The following RHOJ variants were observed in gnomAD, a reference collection of about 807,000 sequenced individuals.
RHOJ encodes rho-related GTP-binding protein RhoJ.
In RHOJ, 11 loss-of-function variants were observed where a neutral mutation model predicts 23.4. That is an observed-to-expected ratio of 0.47 (90% CI 0.30 to 0.78). The LOEUF is 0.78. RHOJ is among the 30% of genes least tolerant of loss of function. RHOJ has a pLI of 0.08. For synonymous variants in RHOJ, 102 were observed against 102.7 expected (o/e 0.99, Z 0.04); for missense variants, 254 against 273.4 (o/e 0.93, Z 0.50).
chr14:63,266,760 T>C (rs1301119242), intron 1 of RHOJ, among the ~76,000 whole-genome samples: 1 of 152,254 alleles, frequency 6.6e-6, no homozygotes, highest in Non-Finnish European at 1.5e-5. Flanking sequence ...TTTTATATCC[T>C]GAACCTTTAC....
chr14:63,286,853 G>A (rs983617921), intron 4 of RHOJ, among the ~76,000 whole-genome samples: 1 of 152,194 alleles, frequency 6.6e-6, no homozygotes. Context: ...AATCTGTCTG[G>A]CCTAGAAATG....
chr14:63,210,648 T>C (rs2139727251), intron 1 of RHOJ, among the ~76,000 whole-genome samples: 1 of 152,306 alleles, frequency 6.6e-6, no homozygotes, highest in Admixed American at 6.5e-5. Flanking sequence ...CCATCCTATC[T>C]TTAGTTTTGA....
intron 2 of RHOJ, among the ~76,000 whole-genome samples, chr14:63,277,218 T>C (rs1019884510): frequency 1.3e-5 from 2 of 152,220 alleles, no homozygotes; most frequent in African/African-American, 4.8e-5. Flanking sequence ...TAACTTCCTC[T>C]TCTATGAAAT....
chr14:63,221,707 T>C (rs1244516656), intron 1 of RHOJ, among the ~76,000 whole-genome samples: 1 of 152,196 alleles, frequency 6.6e-6, no homozygotes, highest in Non-Finnish European at 1.5e-5. Context: ...AAAGTAGTCA[T>C]GGCATCCCCC....
chr14:63,243,596 TC>T lies in RHOJ; in HGVS notation c.179-25511del, dbSNP rs974231130. Among the ~76,000 whole-genome samples, 35 of 152,142 alleles carry T rather than the reference TC, an allele frequency of 2.3e-4. 2 individuals are homozygous for T. The highest frequency in any genetic ancestry group is 1.2e-4 in the Non-Finnish European group (8 of 68,024). On this transcript the variant is annotated intron_variant, in intron 1 of 4. Coordinates refer to ENST00000316754, the MANE Select transcript of RHOJ (RefSeq NM_020663.5). ...CTCAGGTGATCCACCCACCTTGGCT[TC>T]CCGAAGTGCCAGGATTACAGGCATA...
intron 1 of RHOJ, among the ~76,000 whole-genome samples, chr14:63,219,550 G>A (rs1178029701): frequency 1.3e-5 from 2 of 152,128 alleles, no homozygotes; most frequent in Non-Finnish European, 2.9e-5. Context: ...GGGCGTGGTG[G>A]CTCACACCTA....
At chr14:63,250,958 C>T (rs992214303) in intron 1 of RHOJ, among the ~76,000 whole-genome samples, 1 of 152,152 alleles carries the variant, frequency 6.6e-6, no homozygotes, top group Non-Finnish European at 1.5e-5. Context: ...TCGCTTGAAC[C>T]TGAGAGGGAG....
chr14:63,239,714 G>A (rs1311244793), intron 1 of RHOJ, among the ~76,000 whole-genome samples: 1 of 152,254 alleles, frequency 6.6e-6, no homozygotes, highest in Non-Finnish European at 1.5e-5. Context: ...AATCATGTCA[G>A]TGTGCCTTGG....
intron 1 of RHOJ, among the ~76,000 whole-genome samples, chr14:63,221,386 C>T (rs1352914103): frequency 2.0e-5 from 3 of 152,174 alleles, no homozygotes; most frequent in Non-Finnish European, 4.4e-5. Flanking sequence ...TTCCTTCTAA[C>T]AAGGCAAGCC....
chr14:63,257,142 G>A (rs543090639), intron 1 of RHOJ, among the ~76,000 whole-genome samples: 3 of 147,774 alleles, frequency 2.0e-5, no homozygotes, highest in East Asian at 2.2e-4. Flanking sequence ...GGGGGCTGAG[G>A]CAGGAGAATT....
At chr14:63,228,339 T>A (rs1211449527) in intron 1 of RHOJ, among the ~76,000 whole-genome samples, 1 of 152,226 alleles carries the variant, frequency 6.6e-6, no homozygotes, top group Non-Finnish European at 1.5e-5. Flanking sequence ...CAATCCTTCC[T>A]TCTGAAATTT....
At chr14:63,259,027 C>T (rs151318174) in intron 1 of RHOJ, among the ~76,000 whole-genome samples, 199 of 152,254 alleles carry the variant, frequency 1.3e-3, no homozygotes, top group African/African-American at 4.7e-3. Flanking sequence ...GCAACCTCCG[C>T]CTCCCAGGTT....
Position 63,205,045 on chromosome 14 carries a change from C to A in RHOJ, c.176C>A (p.Ala59Glu), listed in dbSNP as rs769884813. 5.0e-6 allele frequency: 8 copies of A among 1,611,668 alleles called. No individual in the cohort carries two copies. Among genetic ancestry groups the A allele is most frequent in the Non-Finnish European group, 6.8e-6 (8 of 1,178,534 alleles). Residue 59 changes from alanine to glutamate, a missense_variant and splice_region_variant, in exon 1 of 5, where the codon GCA becomes GAA. Coordinates refer to ENST00000316754, the MANE Select transcript of RHOJ (RefSeq NM_020663.5). ...GTGCCCACTGTGTTTGACCACTATGCAGGTAAGAAAAAGTGGGAAACTCTC... is the reference window on the plus strand; with the variant it reads ...GTGCCCACTGTGTTTGACCACTATGAAGGTAAGAAAAAGTGGGAAACTCTC... ...EYVPTVFDHYAVTVTVGGKQH... is the reference protein window; with the variant it reads ...EYVPTVFDHYEVTVTVGGKQH...
chr14:63,292,267 A>T lies in RHOJ; in HGVS notation c.*1243A>T, dbSNP rs1476467274. 1 of 152,066 alleles carries T rather than the reference A, an allele frequency of 6.6e-6. No individual in the cohort carries two copies. Among genetic ancestry groups the T allele is most frequent in the Non-Finnish European group, 1.5e-5 (1 of 67,980 alleles). 9.4% of individuals were successfully genotyped at this position (152,066 alleles called of 1,614,324 possible). Reference sequence around the variant, plus strand: ...CTTTGTGGGAGCCATATCAGTGGATACCAAGCTCTGTATCCATTTGTCCCC... The same window carrying T: ...CTTTGTGGGAGCCATATCAGTGGATTCCAAGCTCTGTATCCATTTGTCCCC... On this transcript the variant is annotated 3_prime_UTR_variant, in exon 5 of 5. Coordinates refer to ENST00000316754, the MANE Select transcript of RHOJ (RefSeq NM_020663.5).
intron 1 of RHOJ, among the ~76,000 whole-genome samples, chr14:63,254,717 T>C (rs1014954829): frequency 5.3e-5 from 8 of 152,020 alleles, no homozygotes; most frequent in African/African-American, 1.9e-4. Flanking sequence ...AAGATAAACA[T>C]GTGCAACTTC....
Position 63,293,238 on chromosome 14 carries a change from A to G in RHOJ, c.*2214A>G, listed in dbSNP as rs1219309541. On this transcript the variant is annotated 3_prime_UTR_variant, in exon 5 of 5. Transcript: ENST00000316754. Reference sequence around the variant, plus strand: ...TTAGGCAGCTTTGTTGCATGATTGCATAGTTATATCTTGCTAACGGGCCAC... The same window carrying G: ...TTAGGCAGCTTTGTTGCATGATTGCGTAGTTATATCTTGCTAACGGGCCAC... 2 of 152,224 alleles carry G rather than the reference A, an allele frequency of 1.3e-5. No individual in the cohort carries two copies. Among genetic ancestry groups the G allele is most frequent in the African/African-American group, 4.8e-5 (2 of 41,456 alleles). The allele number at this position is 152,224 out of a possible 1,614,324, so 9.4% of individuals were successfully genotyped here.
intron 1 of RHOJ, among the ~76,000 whole-genome samples, chr14:63,220,190 A>AAGTAATATTT (rs1263502697): frequency 6.6e-6 from 1 of 152,154 alleles, no homozygotes; most frequent in Non-Finnish European, 1.5e-5. Context: ...AGATAAAATT[A>AAGTAATATTT]AGTAATATTT....
At chr14:63,287,369 T>C (rs1358478632) in intron 4 of RHOJ, among the ~76,000 whole-genome samples, 1 of 152,240 alleles carries the variant, frequency 6.6e-6, no homozygotes, top group African/African-American at 2.4e-5. Context: ...AGATTTTTCC[T>C]TGTAAAGTTC....
At chr14:63,227,383 T>C (rs1894614529) in intron 1 of RHOJ, among the ~76,000 whole-genome samples, 1 of 152,250 alleles carries the variant, frequency 6.6e-6, no homozygotes, top group Non-Finnish European at 1.5e-5. Flanking sequence ...AATATATTTT[T>C]AAATGTTTCT....
Sources: gnomAD v4.1 joint callset for allele counts (sites outside exome capture counted in the v4.1 genomes callset) on GRCh38, gnomAD v4.1.1 for gene constraint, MANE v1.5 for transcripts, NCBI Gene and HGNC (gene_info 2026-07-23, HGNC 2026-07-21) for gene names.